The following MLLT3 variants were observed in gnomAD, a reference collection of about 807,000 sequenced individuals.
The protein encoded by MLLT3 is protein AF-9.
In MLLT3, 4 loss-of-function variants were observed where a neutral mutation model predicts 53.2. The ratio of observed to expected loss-of-function variants is 0.08; its 90% CI spans 0.04 to 0.17. The LOEUF is 0.17. Among genes scored for constraint, MLLT3 ranks in the 10% least tolerant of loss-of-function variants. MLLT3 has a pLI of 1.00. For missense variants in MLLT3, 569 were observed against 684.0 expected (o/e 0.83, Z 1.87); for synonymous variants, 283 against 230.6 (o/e 1.23, Z -2.06).
intron 4 of MLLT3, among the ~76,000 whole-genome samples, chr9:20,444,032 T>A (rs1823625592): frequency 6.6e-6 from 1 of 152,196 alleles, no homozygotes; most frequent in African/African-American, 2.4e-5. Context: ...ATACAATATC[T>A]AATATACAGT....
chr9:20,416,376 CTACCAACA>C (rs1179169208), intron 4 of MLLT3, among the ~76,000 whole-genome samples: 2 of 151,856 alleles, frequency 1.3e-5, no homozygotes, highest in Non-Finnish European at 2.9e-5. Context: ...AATTTTTAAC[CTACCAACA>C]TATTTCTAAT....
intron 2 of MLLT3, among the ~76,000 whole-genome samples, chr9:20,523,810 A>C (rs1818127591): frequency 6.6e-6 from 1 of 152,138 alleles, no homozygotes; most frequent in South Asian, 2.1e-4. Context: ...CTCTACAAAA[A>C]AAATACAAAA....
At chr9:20,445,851 C>CA (rs1183007629) in intron 4 of MLLT3, among the ~76,000 whole-genome samples, 1 of 151,842 alleles carries the variant, frequency 6.6e-6, no homozygotes, top group African/African-American at 2.4e-5. Flanking sequence ...AAACCCAGGC[C>CA]AAAAAATAAG....
chr9:20,596,432 A>C (rs1203317519), intron 2 of MLLT3, among the ~76,000 whole-genome samples: 1 of 152,186 alleles, frequency 6.6e-6, no homozygotes, highest in Non-Finnish European at 1.5e-5. Context: ...GCACACGCCT[A>C]TAATCCCAGC....
At chr9:20,424,349 C>T (rs2118800442) in intron 4 of MLLT3, among the ~76,000 whole-genome samples, 1 of 152,286 alleles carries the variant, frequency 6.6e-6, no homozygotes, top group Middle Eastern at 3.4e-3. Flanking sequence ...TCACCCTCTC[C>T]TATAATGCCC....
chr9:20,468,314 T>C (rs1394155998), intron 2 of MLLT3, among the ~76,000 whole-genome samples: 2 of 152,196 alleles, frequency 1.3e-5, no homozygotes, highest in Non-Finnish European at 2.9e-5. Flanking sequence ...CCTAAATTTG[T>C]TTTTATTTTT....
rs1394155258 is a variant in MLLT3 at position 20,448,797 on chromosome 9, C to G, written c.277-531G>C. 6.6e-6 allele frequency among the ~76,000 whole-genome samples: 1 copy of G among 152,130 alleles called. No individual in the cohort carries two copies. The highest frequency in any genetic ancestry group is 1.5e-5 in the Non-Finnish European group (1 of 68,012). ...CATTTTCACTTCCTAGTTAAAATTTCAACAGCTTCCAATAGCCATTGGGCT... is the reference window on the plus strand; with the variant it reads ...CATTTTCACTTCCTAGTTAAAATTTGAACAGCTTCCAATAGCCATTGGGCT... On this transcript the variant is annotated intron_variant, in intron 3 of 10. Coordinates refer to ENST00000380338, the MANE Select transcript of MLLT3 (RefSeq NM_004529.4). The surrounding 1 kb of genome is among the most constrained non-coding windows in gnomAD (Gnocchi z 4.0).
In MLLT3 at chr9:20,531,138, C is replaced by CTTTT. The variant is rs34485185; in HGVS notation, c.194-74356_194-74353dup. Among the ~76,000 whole-genome samples, 34 of 118,510 alleles carry CTTTT rather than the reference C, an allele frequency of 2.9e-4. No homozygotes were observed. The South Asian group carries it at 6.9e-3, about 24-fold the overall frequency. 77.7% of individuals were successfully genotyped at this position (118,510 alleles called of 152,430 possible). A position where few individuals can be genotyped will look rare whatever the true frequency, so the allele number is the denominator to read the frequency against. On this transcript the variant is annotated intron_variant, in intron 2 of 10. Coordinates refer to ENST00000380338, the MANE Select transcript of MLLT3 (RefSeq NM_004529.4). Reference sequence around the variant, plus strand: ...CTCCTCTCTATCCAATATTCAGTTGCTTTTTTTTTTTTTGGAAACATAGTC... The same window carrying CTTTT: ...CTCCTCTCTATCCAATATTCAGTTGCTTTTTTTTTTTTTTTTTGGAAACATAGTC...
intron 5 of MLLT3, among the ~76,000 whole-genome samples, chr9:20,405,305 A>G (rs919515997): frequency 6.6e-6 from 1 of 152,212 alleles, no homozygotes; most frequent in Non-Finnish European, 1.5e-5. Context: ...CTGTGGCTAC[A>G]TTTTATTTCT....
chr9:20,435,111 C>A (rs1005601967), intron 4 of MLLT3, among the ~76,000 whole-genome samples: 2 of 152,168 alleles, frequency 1.3e-5, no homozygotes, highest in Non-Finnish European at 2.9e-5. Flanking sequence ...GCTTCTGGCA[C>A]CCCACTAAAA....
chr9:20,546,114 A>G (rs746337341), intron 2 of MLLT3, among the ~76,000 whole-genome samples: 4 of 152,170 alleles, frequency 2.6e-5, no homozygotes, highest in Non-Finnish European at 5.9e-5. Context: ...TTTCCAGATG[A>G]TTTTTATTTC....
At chr9:20,536,599 T>C (rs544902565) in intron 2 of MLLT3, among the ~76,000 whole-genome samples, 1 of 152,256 alleles carries the variant, frequency 6.6e-6, no homozygotes, top group Non-Finnish European at 1.5e-5. Context: ...GAAGAAAAAG[T>C]GAACCAAAGG....
chr9:20,531,835 C>T (rs906979499), intron 2 of MLLT3, among the ~76,000 whole-genome samples: 1 of 151,942 alleles, frequency 6.6e-6, no homozygotes, highest in Non-Finnish European at 1.5e-5. Context: ...AAGAAAGCCT[C>T]TCAATATTAT....
chr9:20,481,278 C>A (rs1473419554), intron 2 of MLLT3, among the ~76,000 whole-genome samples: 2 of 152,152 alleles, frequency 1.3e-5, no homozygotes, highest in Non-Finnish European at 2.9e-5. Context: ...TTTAATCTCC[C>A]ATTAAGATTT....
At chr9:20,609,062 C>T (rs1820638028) in intron 2 of MLLT3, among the ~76,000 whole-genome samples, 1 of 151,998 alleles carries the variant, frequency 6.6e-6, no homozygotes, top group Admixed American at 6.6e-5. Flanking sequence ...GAAGCATTAA[C>T]TATAAGCTAT....
Position 20,599,091 on chromosome 9 carries a change from G to A in MLLT3, c.193+21563C>T, listed in dbSNP as rs147426578. On this transcript the variant is annotated intron_variant, in intron 2 of 10. Transcript: ENST00000380338. ...GAGGCCAAGGCGGGCAGATCACGAG[G>A]TCAAGAGATCGAGACCATGCTAGCC... Among the ~76,000 whole-genome samples, 723 of 152,250 alleles carry A rather than the reference G, an allele frequency of 4.7e-3. 3 individuals are homozygous for A. The highest frequency in any genetic ancestry group is 0.015 in the African/African-American group (637 of 41,548).
intron 2 of MLLT3, among the ~76,000 whole-genome samples, chr9:20,489,905 G>A (rs181881004): frequency 6.6e-6 from 1 of 152,210 alleles, no homozygotes; most frequent in East Asian, 1.9e-4. Context: ...CTTTTTCTGA[G>A]TCAGGGAAAG....
intron 5 of MLLT3, among the ~76,000 whole-genome samples, chr9:20,387,656 T>C (rs1822073818): frequency 6.6e-6 from 1 of 152,162 alleles, no homozygotes; most frequent in Admixed American, 6.5e-5. Flanking sequence ...AAGAGTGAGT[T>C]TTCATGCCAA....
chr9:20,347,478 A>G (rs1820906258), intron 10 of MLLT3, among the ~76,000 whole-genome samples: 1 of 152,242 alleles, frequency 6.6e-6, no homozygotes, highest in Non-Finnish European at 1.5e-5. Flanking sequence ...GTTAAATGAC[A>G]GAGATGACGG....
Sources: allele counts gnomAD v4.1 joint callset (sites outside exome capture counted in the v4.1 genomes callset), GRCh38; gene constraint gnomAD v4.1.1; non-coding constraint Gnocchi (gnomAD v3.1); transcripts MANE v1.5; gene names NCBI Gene and HGNC (gene_info 2026-07-23, HGNC 2026-07-21).